Variants in CABP1 observed in about 807,000 individuals in gnomAD.
The protein encoded by CABP1 is calcium binding protein 1.
In CABP1, 17 loss-of-function variants were observed where a neutral mutation model predicts 34.3. The ratio of observed to expected loss-of-function variants is 0.50; its 90% CI spans 0.34 to 0.74. The LOEUF is 0.74. CABP1 is among the 30% of genes least tolerant of loss of function. The probability of loss-of-function intolerance (pLI) is 0.01; values close to 1 mark genes in which losing one functional copy is unlikely to be tolerated. For synonymous variants in CABP1, 198 were observed against 229.2 expected (o/e 0.86, Z 1.23); for missense variants, 373 against 511.1 (o/e 0.73, Z 2.61).
At chr12:120,657,960 G>A (rs1018666247) in intron 1 of CABP1, among the ~76,000 whole-genome samples, 7 of 152,128 alleles carry the variant, frequency 4.6e-5, no homozygotes, top group Non-Finnish European at 8.8e-5. Flanking sequence ...TTACTCACTC[G>A]CTTTCACAGA....
Position 120,661,027 on chromosome 12 carries a change from T to C in CABP1, c.940-44T>C, listed in dbSNP as rs763964777. The C allele has an allele frequency of 1.9e-6, 3 of 1,595,522 alleles. No homozygotes were observed. In the South Asian group the frequency reaches 3.4e-5, roughly 18 times the overall value. ...CAACTTTGGGATCTGCTGCTGCCAA[T>C]CGCCATGCTGGGGCGACCTCTCCTT... On this transcript the variant is annotated intron_variant, in intron 4 of 5. Transcript: ENST00000316803. This position sits in a 1 kb window ranked among gnomAD's most constrained non-coding sequence, Gnocchi z 5.1.
chr12:120,672,448 C>A, the CABP1 span, among the ~76,000 whole-genome samples: 1 of 151,870 alleles, frequency 6.6e-6, no homozygotes, highest in Non-Finnish European at 1.5e-5. Flanking sequence ...GCCTGACCAA[C>A]ATGGAGAAAC....
intron 1 of CABP1, among the ~76,000 whole-genome samples, chr12:120,644,575 C>T (rs1879466979): frequency 6.6e-6 from 1 of 152,148 alleles, no homozygotes; most frequent in Non-Finnish European, 1.5e-5. Context: ...TTACCCTGAG[C>T]TTGAGAAGAA....
At chr12:120,657,633 G>A (rs1433250237) in intron 1 of CABP1, among the ~76,000 whole-genome samples, 1 of 152,198 alleles carries the variant, frequency 6.6e-6, no homozygotes, top group East Asian at 1.9e-4. Flanking sequence ...CTCCAGGGCA[G>A]AGAACACACA....
At chr12:120,669,620 G>A (rs1441365561), downstream of CABP1, among the ~76,000 whole-genome samples, 3 of 152,186 alleles carry the variant, frequency 2.0e-5, no homozygotes. Context: ...CAGGCGTAGT[G>A]GGGCATGACT....
chr12:120,665,653 G>A (rs536052054), intron 5 of CABP1, among the ~76,000 whole-genome samples: 62 of 152,026 alleles, frequency 4.1e-4, no homozygotes, highest in Admixed American at 2.6e-3. Context: ...TGCGTATGCG[G>A]GGACAGGGGT....
the CABP1 span, among the ~76,000 whole-genome samples, chr12:120,680,573 G>A: frequency 3.3e-5 from 5 of 152,202 alleles, no homozygotes; most frequent in Non-Finnish European, 5.9e-5. Context: ...GGAAATGGGA[G>A]ACTGGAGCCC....
intron 1 of CABP1, among the ~76,000 whole-genome samples, chr12:120,651,451 T>C (rs1879842164): frequency 6.6e-6 from 1 of 152,200 alleles, no homozygotes; most frequent in Non-Finnish European, 1.5e-5. Flanking sequence ...CCTATAGGGT[T>C]TTGGGTTAGG....
At position 120,641,431 on chromosome 12, in the gene CABP1, C is replaced by T. The variant is rs973517367; in HGVS notation, c.654+92C>T. The T allele has an allele frequency of 1.7e-6, 2 of 1,206,220 alleles. No homozygotes were observed. Among genetic ancestry groups the T allele is most frequent in the African/African-American group, 1.6e-5 (1 of 63,618 alleles). The allele number at this position is 1,206,220 out of a possible 1,614,324, so 74.7% of individuals were successfully genotyped here. ...GCGTCCACAGCCTCCTCCCGCGGCCCGTGGTCCCCCACGGATCACGCCTCG... is the reference window on the plus strand; with the variant it reads ...GCGTCCACAGCCTCCTCCCGCGGCCTGTGGTCCCCCACGGATCACGCCTCG... On this transcript the variant is annotated intron_variant, in intron 1 of 5. Coordinates refer to ENST00000316803, the MANE Select transcript of CABP1 (RefSeq NM_001033677.2). This position sits in a 1 kb window ranked among gnomAD's most constrained non-coding sequence, Gnocchi z 6.7.
intron 1 of CABP1, among the ~76,000 whole-genome samples, chr12:120,647,437 G>T (rs941868273): frequency 1.3e-5 from 2 of 151,240 alleles, no homozygotes; most frequent in Non-Finnish European, 2.9e-5. Context: ...TGTCCAGGCT[G>T]GTCTCGAACT....
intron 5 of CABP1, among the ~76,000 whole-genome samples, chr12:120,663,851 A>G (rs1226544151): frequency 6.6e-6 from 1 of 152,232 alleles, no homozygotes; most frequent in Non-Finnish European, 1.5e-5. Context: ...AGTCTTGTGC[A>G]TGACGCCATG....
the CABP1 span, among the ~76,000 whole-genome samples, chr12:120,676,681 C>T: frequency 3.9e-5 from 6 of 152,200 alleles, no homozygotes; most frequent in Admixed American, 3.3e-4. Context: ...CCTGCCTCAG[C>T]CTCCCAAAGT....
chr12:120,665,728 A>G (rs999676341), intron 5 of CABP1, among the ~76,000 whole-genome samples: 13 of 151,964 alleles, frequency 8.6e-5, no homozygotes, highest in Non-Finnish European at 1.9e-4. Context: ...CCCTTAAAAA[A>G]AGAGAGAGAG....
Position 120,661,127 on chromosome 12 carries a change from G to C in CABP1, c.996G>C (p.Arg332Ser). The part of the protein sequence containing the change: ...ISTSELREAM[R>S]KLLGHQVGHR... ...CCAGTGAGCTGCGAGAGGCTATGAG[G>C]AAGCTCCTGGGTCATCAGGTGGGAC... Residue 332 changes from arginine (R) to serine (S), a missense_variant, in exon 5 of 6, where the codon AGG (arginine) becomes AGC (serine). By Grantham distance (110) the Arg-to-Ser change is moderately radical. Coordinates refer to ENST00000316803, the MANE Select transcript of CABP1 (RefSeq NM_001033677.2). The surrounding 1 kb of genome is among the most constrained non-coding windows in gnomAD (Gnocchi z 5.1). 6.2e-7 allele frequency: 1 copy of C among 1,613,914 alleles called. No homozygotes were observed. Among genetic ancestry groups the C allele is most frequent in the Non-Finnish European group, 8.5e-7 (1 of 1,179,984 alleles).
chr12:120,669,993 GTTTT>G (rs56720965), downstream of CABP1, among the ~76,000 whole-genome samples: 1 of 150,504 alleles, frequency 6.6e-6, no homozygotes, highest in Admixed American at 6.6e-5. Context: ...GCCAGGAAAC[GTTTT>G]TTTTTCTTTC....
At position 120,642,995 on chromosome 12, in the gene CABP1, G is replaced by GGAAAAAAAAA. The variant is rs530595621; in HGVS notation, c.654+1656_654+1657insGAAAAAAAAA. ...TTGCAGCTGATCTGACTCAGCTCCT[G>GGAAAAAAAAA]AAAAAAAAAAAAAAAAAGAGTCCTT... On this transcript the variant is annotated intron_variant, in intron 1 of 5. Coordinates refer to ENST00000316803, the MANE Select transcript of CABP1 (RefSeq NM_001033677.2). Among the ~76,000 whole-genome samples the GGAAAAAAAAA allele has an allele frequency of 6.6e-4, 46 of 69,508 alleles. 1 individual carries two copies. The highest frequency in any genetic ancestry group is 2.3e-3 in the East Asian group (5 of 2,202). 45.6% of individuals were successfully genotyped at this position (69,508 alleles called of 152,430 possible).
At chr12:120,656,628 G>T (rs1880244269) in intron 1 of CABP1, among the ~76,000 whole-genome samples, 2 of 152,166 alleles carry the variant, frequency 1.3e-5, no homozygotes, top group African/African-American at 4.8e-5. Flanking sequence ...GGGCGCAGCG[G>T]CTCACGCCTG....
downstream of CABP1, among the ~76,000 whole-genome samples, chr12:120,670,455 T>C (rs1028726799): frequency 5.9e-5 from 9 of 151,512 alleles, no homozygotes; most frequent in Non-Finnish European, 1.2e-4. Context: ...TTAGAAAAGC[T>C]CTTTGTCTAA....
At chr12:120,668,245 C>T (rs1171761148), downstream of CABP1, among the ~76,000 whole-genome samples, 1 of 152,186 alleles carries the variant, frequency 6.6e-6, no homozygotes, top group East Asian at 1.9e-4. Context: ...GCCTGTAATC[C>T]CAGCACTCTG....
Sources: gnomAD v4.1 joint callset for allele counts (sites outside exome capture counted in the v4.1 genomes callset) on GRCh38, gnomAD v4.1.1 for gene constraint, Gnocchi (gnomAD v3.1) non-coding constraint, MANE v1.5 for transcripts, NCBI Gene and HGNC (gene_info 2026-07-23, HGNC 2026-07-21) for gene names.